Variants in CTTNBP2NL observed in about 807,000 individuals in gnomAD.
CTTNBP2NL encodes the protein CTTNBP2 N-terminal-like protein.
CTTNBP2NL carries 16 observed loss-of-function variants against 32.5 expected under a neutral mutation model. That is an observed-to-expected ratio of 0.49 (90% CI 0.33 to 0.75). The LOEUF is 0.75. CTTNBP2NL is among the 30% of genes least tolerant of loss of function. The pLI is 0.02. For missense variants in CTTNBP2NL, 645 were observed against 756.0 expected (o/e 0.85, Z 1.72); for synonymous variants, 298 against 289.4 (o/e 1.03, Z -0.30).
chr1:112,438,267 G>A (rs774559673), intron 3 of CTTNBP2NL, among the ~76,000 whole-genome samples: 18 of 152,056 alleles, frequency 1.2e-4, no homozygotes, highest in Non-Finnish European at 1.9e-4. Context: ...CACCTCCCTG[G>A]TTAGTTGTAT....
At chr1:112,414,002 T>G (rs1470622760) in intron 2 of CTTNBP2NL, among the ~76,000 whole-genome samples, 1 of 151,652 alleles carries the variant, frequency 6.6e-6, no homozygotes, top group Admixed American at 6.6e-5. Flanking sequence ...GAGCCAAGAC[T>G]GCACCATTGC....
intron 3 of CTTNBP2NL, among the ~76,000 whole-genome samples, chr1:112,448,150 T>C (rs1015972186): frequency 6.6e-6 from 1 of 152,148 alleles, no homozygotes; most frequent in Non-Finnish European, 1.5e-5. Context: ...TCTTACATGC[T>C]CATCCCCAAG....
At chr1:112,394,442 C>G (rs1648262385), upstream of CTTNBP2NL, among the ~76,000 whole-genome samples, 1 of 152,138 alleles carries the variant, frequency 6.6e-6, no homozygotes, top group South Asian at 2.1e-4. Context: ...TATTTGTAAT[C>G]ATTTCAGACA....
At chr1:112,401,770 G>A (rs185607741) in intron 1 of CTTNBP2NL, among the ~76,000 whole-genome samples, 4 of 152,228 alleles carry the variant, frequency 2.6e-5, no homozygotes, top group Admixed American at 2.0e-4. Context: ...AATGCAATGC[G>A]CTGTAATATG....
intron 3 of CTTNBP2NL, among the ~76,000 whole-genome samples, chr1:112,438,367 A>AT (rs1557894017): frequency 6.6e-6 from 1 of 152,140 alleles, no homozygotes; most frequent in South Asian, 2.1e-4. Flanking sequence ...GTGTGTAGGA[A>AT]TGCTAGTGAT....
At chr1:112,436,147 C>T (rs530075333) in intron 3 of CTTNBP2NL, among the ~76,000 whole-genome samples, 3 of 151,644 alleles carry the variant, frequency 2.0e-5, no homozygotes, top group Non-Finnish European at 4.4e-5. Context: ...TTTATCATCC[C>T]CCTTTGTCTG....
At chr1:112,414,924 C>T (rs551835751) in intron 2 of CTTNBP2NL, 2 of 152,382 alleles carry the variant, frequency 1.3e-5, no homozygotes, top group South Asian at 2.1e-4. Context: ...CACAGTGGCT[C>T]ATGCCTGTAA....
Position 112,456,544 on chromosome 1 carries a change from A to AG in CTTNBP2NL, c.1052_1053insG (p.His351GlnfsTer3). ...TACTCATATGCAAAAACCAATGGCC[A>AG]TTGTGACCCAGAGATACAAACTACC... On this transcript the variant is annotated frameshift_variant, in exon 6 of 6. Coordinates refer to ENST00000271277, the MANE Select transcript of CTTNBP2NL (RefSeq NM_018704.3). LOFTEE classifies it low-confidence loss of function (END_TRUNC). 1 of 1,614,182 alleles carries AG rather than the reference A, an allele frequency of 6.2e-7. No homozygotes were observed. The highest frequency in any genetic ancestry group is 8.5e-7 in the Non-Finnish European group (1 of 1,180,036).
At chr1:112,402,984 A>G (rs1648549514) in intron 1 of CTTNBP2NL, among the ~76,000 whole-genome samples, 1 of 152,136 alleles carries the variant, frequency 6.6e-6, no homozygotes, top group South Asian at 2.1e-4. Context: ...TAATGGTATC[A>G]TCATTCTAGT....
At chr1:112,445,987 G>A (rs1202215754) in intron 3 of CTTNBP2NL, among the ~76,000 whole-genome samples, 1 of 151,984 alleles carries the variant, frequency 6.6e-6, no homozygotes, top group Non-Finnish European at 1.5e-5. Context: ...AAAGTATTTG[G>A]GTTTACTTTT....
At chr1:112,401,802 C>G (rs1291440229) in intron 1 of CTTNBP2NL, among the ~76,000 whole-genome samples, 2 of 152,118 alleles carry the variant, frequency 1.3e-5, no homozygotes, top group African/African-American at 4.8e-5. Flanking sequence ...CCAGTTATTT[C>G]CAAACTCTGC....
chr1:112,428,666 C>T (rs190453169), intron 3 of CTTNBP2NL, among the ~76,000 whole-genome samples: 1 of 152,254 alleles, frequency 6.6e-6, no homozygotes, highest in East Asian at 1.9e-4. Flanking sequence ...TACATATACA[C>T]ACCCATATAC....
intron 3 of CTTNBP2NL, among the ~76,000 whole-genome samples, chr1:112,432,352 C>T (rs1005596068): frequency 1.1e-4 from 17 of 151,866 alleles, no homozygotes; most frequent in South Asian, 2.1e-4. Context: ...TGAGCCACCG[C>T]GCCGGGCCTA....
chr1:112,419,231 A>G (rs1212595301), intron 3 of CTTNBP2NL, among the ~76,000 whole-genome samples: 2 of 152,206 alleles, frequency 1.3e-5, no homozygotes, highest in Admixed American at 6.5e-5. Context: ...TAGACATGAC[A>G]AAGTTAGAAG....
chr1:112,418,355 TTC>T (rs1649125485), intron 3 of CTTNBP2NL, among the ~76,000 whole-genome samples: 1 of 152,098 alleles, frequency 6.6e-6, no homozygotes, highest in Non-Finnish European at 1.5e-5. Context: ...CATAATTACG[TTC>T]TTTTTCTTCC....
At chr1:112,401,028 C>T (rs769448058) in intron 1 of CTTNBP2NL, among the ~76,000 whole-genome samples, 40 of 148,544 alleles carry the variant, frequency 2.7e-4, no homozygotes, top group Middle Eastern at 7.0e-3. Context: ...GTGCACATAT[C>T]ACAAAGCAAG....
chr1:112,409,703 A>G (rs956125688), intron 1 of CTTNBP2NL, among the ~76,000 whole-genome samples: 1 of 152,160 alleles, frequency 6.6e-6, no homozygotes, highest in Non-Finnish European at 1.5e-5. Flanking sequence ...ATATGGTAAA[A>G]TGGCAGCAGC....
chr1:112,435,563 T>A (rs1367356363), intron 3 of CTTNBP2NL, among the ~76,000 whole-genome samples: 2 of 152,218 alleles, frequency 1.3e-5, no homozygotes, highest in African/African-American at 4.8e-5. Flanking sequence ...TTCATAACTT[T>A]TACTGTTGTT....
intron 2 of CTTNBP2NL, 64 bp from the exon 3 acceptor site, chr1:112,416,093 T>C (rs1649053055): frequency 1.2e-6 from 1 of 856,250 alleles, no homozygotes; most frequent in Non-Finnish European, 1.9e-6. Flanking sequence ...CACTTTATTT[T>C]TTCTTTAATT....
Sources: allele counts gnomAD v4.1 joint callset (sites outside exome capture counted in the v4.1 genomes callset), GRCh38; gene constraint gnomAD v4.1.1; transcripts MANE v1.5; gene names NCBI Gene and HGNC (gene_info 2026-07-23, HGNC 2026-07-21).